IL17RA: variants seen among roughly 807,000 people sequenced by gnomAD.
IL17RA encodes the protein interleukin 17 receptor A.
In IL17RA, 34 loss-of-function variants were observed where a neutral mutation model predicts 50.4. The observed-to-expected ratio is 0.67, with a 90% CI of 0.51 to 0.90. The LOEUF (loss-of-function observed/expected upper bound fraction) is 0.90, where lower values mean the gene tolerates loss of function less well. Ranked by LOEUF, IL17RA falls within the 40% of genes least tolerant of loss-of-function variation. IL17RA has a pLI of 0.00. For synonymous variants in IL17RA, 585 were observed against 510.4 expected (o/e 1.15, Z -1.97); for missense variants, 1,276 against 1,169.8 (o/e 1.09, Z -1.32).
At chr22:17,095,687 G>A (rs1290823874) in intron 1 of IL17RA, among the ~76,000 whole-genome samples, 2 of 150,250 alleles carry the variant, frequency 1.3e-5, no homozygotes, top group African/African-American at 4.8e-5. Flanking sequence ...TTAGGAAAGA[G>A]TGACATTTAT....
At chr22:17,105,771 GGGGCTGGGGAGCA>G in intron 10 of IL17RA, 69 bp from the exon 11 acceptor site, 8 of 1,432,600 alleles carry the variant, frequency 5.6e-6, no homozygotes, top group Non-Finnish European at 7.9e-6. Flanking sequence ...GACAGAGCCT[GGGGCTGGGGAGCA>G]GGGCTGGGGG....
In IL17RA at chr22:17,111,263, A is replaced by G. The variant is rs926607438; in HGVS notation, c.*1443A>G. On this transcript the variant is annotated 3_prime_UTR_variant, in exon 13 of 13. Transcript: ENST00000319363. ...AAATGTCGAGGTGAAACGTAAAAGC[A>G]TCTGGCAGGAAGGTGAGTCTGAAGC... 6.6e-6 allele frequency: 1 copy of G among 152,260 alleles called. No homozygotes were observed. The highest frequency in any genetic ancestry group is 1.5e-5 in the Non-Finnish European group (1 of 68,084). The allele number at this position is 152,260 out of a possible 1,614,324, so 9.4% of individuals were successfully genotyped here.
At chr22:17,097,238 C>T (rs1489124765) in intron 2 of IL17RA, 152 bp downstream of exon 2, 8 of 732,310 alleles carry the variant, frequency 1.1e-5, no homozygotes, top group African/African-American at 5.2e-5. Context: ...ATTGTGGATG[C>T]GTGCACCTGC....
At chr22:17,105,803 TG>T in intron 10 of IL17RA, 49 bp from the exon 11 acceptor site, 1 of 1,526,308 alleles carries the variant, frequency 6.6e-7, no homozygotes, top group Non-Finnish European at 9.0e-7. Flanking sequence ...GGCCTCAGGG[TG>T]GGCAGGGCAG....
chr22:17,096,380 G>A (rs1323692833), intron 1 of IL17RA, among the ~76,000 whole-genome samples: 2 of 152,126 alleles, frequency 1.3e-5, no homozygotes, highest in Admixed American at 1.3e-4. Context: ...GGGACTTAGT[G>A]AATGTTCCCC....
Position 17,105,721 on chromosome 22 carries a change from G to GGC in IL17RA, c.943+120_943+121insCG, listed in dbSNP as rs1555874490. On this transcript the variant is annotated intron_variant, in intron 10 of 12. Coordinates refer to ENST00000319363, the MANE Select transcript of IL17RA (RefSeq NM_014339.7). ...GGCTGAACCGAGGCCAGCCCGGGGT[G>GGC]GGGGGTGAGACCATGGTTTGTCGTG... 1.6e-4 allele frequency: 210 copies of GGC among 1,277,308 alleles called. 1 individual carries two copies. Among genetic ancestry groups the GGC allele is most frequent in the South Asian group, 1.2e-3 (100 of 82,510 alleles). 79.1% of individuals were successfully genotyped at this position (1,277,308 alleles called of 1,614,324 possible).
chr22:17,094,691 C>CTCTCTCTCTATATATA (rs1448096911), intron 1 of IL17RA, among the ~76,000 whole-genome samples: 10 of 24,688 alleles, frequency 4.1e-4, no homozygotes, highest in Non-Finnish European at 5.3e-4. Flanking sequence ...CTCTCTCTCT[C>CTCTCTCTCTATATATA]TATATATATA....
At chr22:17,098,689 A>C in intron 3 of IL17RA, 86 bp from the exon 4 acceptor site, 1 of 1,061,848 alleles carries the variant, frequency 9.4e-7, no homozygotes, top group Non-Finnish European at 1.5e-6. Flanking sequence ...AGGAGTGAAC[A>C]ACCGCAACAG....
intron 1 of IL17RA, among the ~76,000 whole-genome samples, chr22:17,094,687 C>A (rs201763094): frequency 0.26 from 11,077 of 42,012 alleles, 2,274 homozygotes; most frequent in Non-Finnish European, 0.35. Flanking sequence ...CTCTCTCTCT[C>A]TCTCTATATA....
rs2061434898 is a variant in IL17RA, at chr22:17,110,139, T to C, written c.*319T>C. On this transcript the variant is annotated 3_prime_UTR_variant, in exon 13 of 13. Transcript: ENST00000319363. ...GTGGCGGGCATTTGGGATACCAAGA[T>C]AAATTGCATGCGGCATGGCCCCAGC... The C allele has an allele frequency of 2.5e-6, 1 of 399,738 alleles. No individual in the cohort carries two copies. Among genetic ancestry groups the C allele is most frequent in the Non-Finnish European group, 4.7e-6 (1 of 214,446 alleles). 24.8% of individuals were successfully genotyped at this position (399,738 alleles called of 1,614,324 possible). A position where few individuals can be genotyped will look rare whatever the true frequency, so the allele number is the denominator to read the frequency against.
At chr22:17,097,629 TTAGAG>T (rs2061372879) in intron 2 of IL17RA, 163 bp from the exon 3 acceptor site, 1 of 698,160 alleles carries the variant, frequency 1.4e-6, no homozygotes, top group Non-Finnish European at 2.4e-6. Flanking sequence ...CCAGTAAACA[TTAGAG>T]AAGAGGGAGC....
rs752803409 is a variant in IL17RA, at chr22:17,109,656, G to A, written c.2437G>A (p.Glu813Lys). Residue 813 changes from glutamate to lysine, a missense_variant, in exon 13 of 13, where the codon GAA becomes AAA. Glu to Lys is a moderately conservative substitution (Grantham distance 56). Transcript: ENST00000319363. ...CCCCGAGGGACTCACGGAAATGGAG[G>A]AAGAGGAGGAAGAGGAGCAGGACCC... ...QPPEGLTEME[E>K]EEEEEQDPGK... The A allele has an allele frequency of 1.9e-6, 3 of 1,600,588 alleles. No homozygotes were observed. The highest frequency in any genetic ancestry group is 2.7e-5 in the African/African-American group (2 of 74,186).
chr22:17,102,726 G>A (rs2061396273), intron 7 of IL17RA, among the ~76,000 whole-genome samples: 1 of 152,204 alleles, frequency 6.6e-6, no homozygotes, highest in South Asian at 2.1e-4. Flanking sequence ...AGAATGGCTT[G>A]AAGTTGGAGT....
In IL17RA at chr22:17,100,444, G is replaced by A. The variant is rs1376665244; in HGVS notation, c.513G>A (p.Gly171=). 1 of 1,613,976 alleles carries A rather than the reference G, an allele frequency of 6.2e-7. No homozygotes were observed. The highest frequency in any genetic ancestry group is 8.5e-7 in the Non-Finnish European group (1 of 1,180,022). ...ACCTGCCCAAGCCCATCCCTGATGG[G>A]GACCCAAACCACCAGTCCAAGAATT... ...VHHLPKPIPD[G]DPNHQSKNFL... is the part of the protein sequence containing the mutation. The change falls in exon 5 of 13, where the codon GGG becomes GGA. Residue 171 remains glycine (G), a synonymous_variant. Coordinates refer to ENST00000319363, the MANE Select transcript of IL17RA (RefSeq NM_014339.7).
In IL17RA at chr22:17,109,599, C is replaced by G. The variant is rs771884191; in HGVS notation, c.2380C>G (p.Gln794Glu). 37 of 1,603,872 alleles carry G rather than the reference C, an allele frequency of 2.3e-5. No homozygotes were observed. Among genetic ancestry groups the G allele is most frequent in the Non-Finnish European group, 3.0e-5 (35 of 1,175,420 alleles). ...EEQRQSVQSD[Q>E]GYISRSSPQP... ...GCAGCGGCAGTCAGTGCAGTCTGAC[C>G]AGGGCTACATCTCCAGGAGCTCCCC... is the stretch of plus-strand genomic sequence containing the variant. Residue 794 changes from glutamine to glutamate, a missense_variant, in exon 13 of 13, where the codon CAG becomes GAG. Gln to Glu is a conservative substitution (Grantham distance 29). Transcript: ENST00000319363.
At chr22:17,097,319 A>G (rs373780722) in intron 2 of IL17RA, 9 of 594,040 alleles carry the variant, frequency 1.5e-5, no homozygotes, top group East Asian at 8.8e-5. Flanking sequence ...TGGATTGTGA[A>G]AGTATTCTCT....
chr22:17,089,175 G>A (rs1363597446), intron 1 of IL17RA, among the ~76,000 whole-genome samples: 1 of 151,950 alleles, frequency 6.6e-6, no homozygotes, highest in Non-Finnish European at 1.5e-5. Context: ...TGCCCACCTC[G>A]GCCTCCAAAA....
chr22:17,100,813 G>A lies in IL17RA; in HGVS notation c.550+332G>A, dbSNP rs544259876. Among the ~76,000 whole-genome samples, 8 of 152,254 alleles carry A rather than the reference G, an allele frequency of 5.3e-5. No individual in the cohort carries two copies. The South Asian group carries it at 1.2e-3, about 24-fold the overall frequency. ...CATAAAGGCAAGCCACAAGCCACTCGTGGGGAAGTTGCAGCCTCTGCCCCC... is the reference window on the plus strand; with the variant it reads ...CATAAAGGCAAGCCACAAGCCACTCATGGGGAAGTTGCAGCCTCTGCCCCC... On this transcript the variant is annotated intron_variant, in intron 5 of 12. Coordinates refer to ENST00000319363, the MANE Select transcript of IL17RA (RefSeq NM_014339.7).
At chr22:17,087,739 G>A (rs2061333464) in intron 1 of IL17RA, among the ~76,000 whole-genome samples, 1 of 152,136 alleles carries the variant, frequency 6.6e-6, no homozygotes, top group Admixed American at 6.5e-5. Context: ...AGCCGTTCTC[G>A]CTGCCTAGGC....
Sources: allele counts gnomAD v4.1 joint callset (sites outside exome capture counted in the v4.1 genomes callset), GRCh38; gene constraint gnomAD v4.1.1; transcripts MANE v1.5; gene names NCBI Gene and HGNC (gene_info 2026-07-23, HGNC 2026-07-21).